Variants in GRM7 observed in about 807,000 individuals in gnomAD.
GRM7 encodes metabotropic glutamate receptor 7.
GRM7 carries 35 observed loss-of-function variants against 84.5 expected under a neutral mutation model. The observed-to-expected ratio is 0.41, with a 90% confidence interval of 0.32 to 0.55. The LOEUF is 0.55. GRM7 is among the 20% of genes least tolerant of loss of function. The probability of loss-of-function intolerance (pLI) is 0.19; values close to 1 mark genes in which losing one functional copy is unlikely to be tolerated. For missense variants in GRM7, 1,003 were observed against 1,194.6 expected (o/e 0.84, Z 2.36); for synonymous variants, 487 against 455.1 (o/e 1.07, Z -0.89).
rs372015543 is a variant in GRM7 at position 7,047,084 on chromosome 3, C to T, written c.520-99368C>T. Among the ~76,000 whole-genome samples, 10 of 151,790 alleles carry T rather than the reference C, an allele frequency of 6.6e-5. No individual in the cohort carries two copies. In the East Asian group the frequency reaches 1.2e-3, roughly 18 times the overall value. On this transcript the variant is annotated intron_variant, in intron 1 of 9. Coordinates refer to ENST00000357716, the MANE Select transcript of GRM7 (RefSeq NM_000844.4). ...ATAGTCATAGTTGCAATAGTATATA[C>T]CAAGGGCCAGAAGAATTTAGTCTAT...
intron 4 of GRM7, among the ~76,000 whole-genome samples, chr3:7,402,775 C>T (rs1202626184): frequency 6.7e-6 from 1 of 149,232 alleles, no homozygotes; most frequent in Non-Finnish European, 1.5e-5. Context: ...ATTCGGGACA[C>T]TGGTATTATT....
At chr3:7,677,261 T>TA (rs1700161188) in intron 8 of GRM7, among the ~76,000 whole-genome samples, 1 of 103,402 alleles carries the variant, frequency 9.7e-6, no homozygotes, top group African/African-American at 5.6e-5. Flanking sequence ...GACTCTGTCT[T>TA]TAAAAAAAAA....
intron 7 of GRM7, among the ~76,000 whole-genome samples, chr3:7,483,470 G>A (rs1442626046): frequency 6.6e-6 from 1 of 152,168 alleles, no homozygotes; most frequent in Non-Finnish European, 1.5e-5. Flanking sequence ...CCTAGGGAGT[G>A]GAAGTGAAAG....
chr3:7,025,931 T>C (rs1037006431), intron 1 of GRM7, among the ~76,000 whole-genome samples: 4 of 152,152 alleles, frequency 2.6e-5, no homozygotes, highest in Non-Finnish European at 5.9e-5. Context: ...ATAGCCTTTA[T>C]AGCTCATGAC....
intron 1 of GRM7, among the ~76,000 whole-genome samples, chr3:7,142,888 C>A (rs1205933487): frequency 6.6e-6 from 1 of 152,038 alleles, no homozygotes; most frequent in Non-Finnish European, 1.5e-5. Flanking sequence ...CATTCCTGTG[C>A]AATAGCCAAA....
chr3:7,239,959 T>C (rs1353349122), intron 2 of GRM7, among the ~76,000 whole-genome samples: 1 of 152,098 alleles, frequency 6.6e-6, no homozygotes, highest in Non-Finnish European at 1.5e-5. Flanking sequence ...CTCTGCATTT[T>C]AAAAAGCATC....
chr3:7,618,253 T>C (rs1237655879), intron 8 of GRM7, among the ~76,000 whole-genome samples: 4 of 152,284 alleles, frequency 2.6e-5, no homozygotes, highest in Admixed American at 2.0e-4. Flanking sequence ...TTTCTTCATT[T>C]GTAACATGGA....
At chr3:7,271,427 C>G (rs62234947) in intron 2 of GRM7, among the ~76,000 whole-genome samples, 1 of 151,426 alleles carries the variant, frequency 6.6e-6, no homozygotes, top group African/African-American at 2.4e-5. Context: ...GGCGTGGTGG[C>G]GGGCGCCTGT....
At chr3:7,021,495 G>A (rs1695773286) in intron 1 of GRM7, among the ~76,000 whole-genome samples, 1 of 152,192 alleles carries the variant, frequency 6.6e-6, no homozygotes, top group Non-Finnish European at 1.5e-5. Flanking sequence ...AGACTGTGAA[G>A]CTGAACATCT....
At chr3:7,489,860 A>C (rs927321644) in intron 7 of GRM7, among the ~76,000 whole-genome samples, 6 of 151,900 alleles carry the variant, frequency 3.9e-5, no homozygotes, top group Non-Finnish European at 5.9e-5. Context: ...GCATATTATA[A>C]ATAATAAATA....
At chr3:7,262,738 AC>A (rs1698479697) in intron 2 of GRM7, among the ~76,000 whole-genome samples, 1 of 38 alleles carries the variant, frequency 0.026, no homozygotes, top group Non-Finnish European at 0.038. Flanking sequence ...GCTTTGTCAC[AC>A]CAGGCTGGAG....
intron 1 of GRM7, among the ~76,000 whole-genome samples, chr3:7,008,904 A>G (rs917937139): frequency 1.3e-5 from 2 of 152,168 alleles, no homozygotes; most frequent in African/African-American, 2.4e-5. Context: ...CTCCTGTCAA[A>G]CTATTTTTTT....
intron 8 of GRM7, among the ~76,000 whole-genome samples, chr3:7,584,173 A>G (rs1695404073): frequency 6.6e-6 from 1 of 152,224 alleles, no homozygotes; most frequent in South Asian, 2.1e-4. Context: ...GAAGAGACAG[A>G]TTGCACTTAC....
At chr3:7,701,023 C>T (rs188186542) in intron 9 of GRM7, among the ~76,000 whole-genome samples, 11 of 152,212 alleles carry the variant, frequency 7.2e-5, no homozygotes. Context: ...AAAATGAAGC[C>T]CTTTTTACCC....
intron 1 of GRM7, among the ~76,000 whole-genome samples, chr3:7,060,212 A>C (rs1697386332): frequency 2.0e-5 from 3 of 151,818 alleles, no homozygotes; most frequent in Admixed American, 1.3e-4. Flanking sequence ...CAGTGTATCC[A>C]GTCAAATTAA....
chr3:7,470,332 T>C (rs1698647679), intron 7 of GRM7, among the ~76,000 whole-genome samples: 1 of 152,232 alleles, frequency 6.6e-6, no homozygotes, highest in Admixed American at 6.5e-5. Flanking sequence ...GTAATAATAC[T>C]TTCTTAAAAG....
intron 1 of GRM7, among the ~76,000 whole-genome samples, chr3:7,143,143 T>G (rs1694003663): frequency 6.6e-6 from 1 of 151,976 alleles, no homozygotes; most frequent in Non-Finnish European, 1.5e-5. Context: ...GATATTTGAG[T>G]GAAAATGGAA....
intron 8 of GRM7, among the ~76,000 whole-genome samples, chr3:7,679,403 A>AG (rs201973375): frequency 6.6e-6 from 1 of 150,818 alleles, no homozygotes; most frequent in East Asian, 2.3e-4. Context: ...CTCCAGAATA[A>AG]GGCGTTGCAT....
chr3:7,487,408 G>T (rs1337375680), intron 7 of GRM7, among the ~76,000 whole-genome samples: 2 of 152,140 alleles, frequency 1.3e-5, no homozygotes, highest in Non-Finnish European at 2.9e-5. Context: ...GGATTCAGTT[G>T]TTGTGCATCA....
Sources: allele counts gnomAD v4.1 joint callset (sites outside exome capture counted in the v4.1 genomes callset), GRCh38; gene constraint gnomAD v4.1.1; transcripts MANE v1.5; gene names NCBI Gene and HGNC (gene_info 2026-07-23, HGNC 2026-07-21).